The following GMDS variants were observed in gnomAD, a reference collection of about 807,000 sequenced individuals.
GMDS encodes the protein GDP-mannose 4,6-dehydratase.
Under a neutral mutation model 49.9 loss-of-function variants are expected in GMDS, and 20 were observed. That is an observed-to-expected ratio of 0.40 (90% confidence interval 0.28 to 0.58). The LOEUF is 0.58. Among genes scored for constraint, GMDS ranks in the 20% least tolerant of loss-of-function variants. The pLI, the probability that GMDS is intolerant of heterozygous loss-of-function variation, is 0.42. For synonymous variants in GMDS, 177 were observed against 178.6 expected (o/e 0.99, Z 0.07); for missense variants, 362 against 481.4 (o/e 0.75, Z 2.32).
intron 4 of GMDS, 103 bp from the exon 5 acceptor site, chr6:1,961,069 G>T: frequency 1.8e-6 from 1 of 564,824 alleles, no homozygotes; most frequent in East Asian, 2.8e-5. Context: ...TGAAATGTTG[G>T]TGAGAAAATA....
chr6:1,921,310 T>C (rs1007053904), intron 7 of GMDS, among the ~76,000 whole-genome samples: 3 of 152,244 alleles, frequency 2.0e-5, no homozygotes, highest in African/African-American at 7.2e-5. Context: ...GTTTCTAAAC[T>C]ATCTGTAAAT....
At chr6:1,752,179 A>G (rs966836729) in intron 7 of GMDS, among the ~76,000 whole-genome samples, 3 of 152,208 alleles carry the variant, frequency 2.0e-5, no homozygotes, top group Admixed American at 6.5e-5. Flanking sequence ...ACCAGCTTAG[A>G]GAAGAACATA....
rs151124824 is a variant in GMDS, at chr6:1,872,375, A to C, written c.771+57728T>G. 2.3e-3 allele frequency among the ~76,000 whole-genome samples: 358 copies of C among 152,368 alleles called. 3 individuals carry two copies. Among genetic ancestry groups the C allele is most frequent in the African/African-American group, 8.2e-3 (343 of 41,592 alleles). The stretch of plus-strand genomic sequence containing the variant: ...GCATGATGTCTGATGTATGTGCCCA[A>C]TAGCCAAGAAAAATGATAGTTATGC... On this transcript the variant is annotated intron_variant, in intron 7 of 10. Transcript: ENST00000380815.
intron 9 of GMDS, among the ~76,000 whole-genome samples, chr6:1,653,457 A>C (rs56347256): frequency 0.14 from 21,381 of 152,226 alleles, 1,879 homozygotes; most frequent in Non-Finnish European, 0.19. Context: ...TGAAATTTAC[A>C]TGGAATCTCA....
chr6:1,932,090 C>G (rs959321931), intron 6 of GMDS, among the ~76,000 whole-genome samples: 1 of 152,176 alleles, frequency 6.6e-6, no homozygotes, highest in Non-Finnish European at 1.5e-5. Context: ...AGAAATGGAG[C>G]TTGAATGGAG....
intron 6 of GMDS, 21 bp from the exon 7 acceptor site, chr6:1,930,251 T>C (rs1762226974): frequency 1.9e-6 from 3 of 1,608,810 alleles, no homozygotes; most frequent in Admixed American, 1.7e-5. Flanking sequence ...GCAAAAGATG[T>C]AGTATCAGTC....
At chr6:1,782,470 T>C (rs1769138912) in intron 7 of GMDS, among the ~76,000 whole-genome samples, 1 of 152,234 alleles carries the variant, frequency 6.6e-6, no homozygotes, top group South Asian at 2.1e-4. Context: ...ATCTTTCCAG[T>C]CCAAGCCTTA....
chr6:1,877,824 A>T (rs1759153812), intron 7 of GMDS, among the ~76,000 whole-genome samples: 2 of 152,072 alleles, frequency 1.3e-5, no homozygotes, highest in African/African-American at 4.8e-5. Context: ...ATTTTCTGAG[A>T]GATGCTTCAT....
At chr6:2,177,041 GC>G (rs1390600565) in intron 1 of GMDS, among the ~76,000 whole-genome samples, 1 of 152,174 alleles carries the variant, frequency 6.6e-6, no homozygotes, top group African/African-American at 2.4e-5. Flanking sequence ...AATAAATGGA[GC>G]TGGATCCAGT....
At chr6:2,002,080 T>C (rs1766852312) in intron 4 of GMDS, among the ~76,000 whole-genome samples, 2 of 152,230 alleles carry the variant, frequency 1.3e-5, no homozygotes, top group South Asian at 2.1e-4. Flanking sequence ...AATTGTTTAA[T>C]ATTCGTTTTT....
At chr6:2,222,588 C>T (rs146930883) in intron 1 of GMDS, among the ~76,000 whole-genome samples, 117 of 152,232 alleles carry the variant, frequency 7.7e-4, no homozygotes, top group African/African-American at 9.9e-4. Flanking sequence ...CTGTAATAGA[C>T]GCAATTACCA....
At chr6:1,844,418 A>G in intron 7 of GMDS, among the ~76,000 whole-genome samples, 1 of 152,238 alleles carries the variant, frequency 6.6e-6, no homozygotes, top group East Asian at 1.9e-4. Flanking sequence ...AACCTACCTC[A>G]AACAGTTTTT....
chr6:1,632,830 G>C (rs551052018), intron 9 of GMDS, among the ~76,000 whole-genome samples: 1 of 152,310 alleles, frequency 6.6e-6, no homozygotes, highest in South Asian at 2.1e-4. Flanking sequence ...AGTGAGCTAT[G>C]ATTACACCAC....
intron 6 of GMDS, among the ~76,000 whole-genome samples, chr6:1,935,903 T>C (rs1762504405): frequency 2.0e-5 from 3 of 152,186 alleles, no homozygotes; most frequent in African/African-American, 7.2e-5. Context: ...AATACAAAGC[T>C]GAGCCTCAAA....
intron 9 of GMDS, among the ~76,000 whole-genome samples, chr6:1,709,119 T>C (rs894780566): frequency 1.3e-5 from 2 of 152,072 alleles, no homozygotes; most frequent in East Asian, 1.9e-4. Context: ...TGACTGCTGG[T>C]TTATAGATTC....
intron 1 of GMDS, among the ~76,000 whole-genome samples, chr6:2,225,336 TAAAC>T (rs751896943): frequency 5.3e-5 from 8 of 151,926 alleles, no homozygotes; most frequent in African/African-American, 9.7e-5. Flanking sequence ...TCTCAATAAA[TAAAC>T]AAACAAACAA....
intron 9 of GMDS, among the ~76,000 whole-genome samples, chr6:1,726,043 A>C (rs868654544): frequency 1.3e-5 from 2 of 152,200 alleles, no homozygotes; most frequent in African/African-American, 4.8e-5. Context: ...ACATAGCTGG[A>C]GAGGACCTAG....
chr6:1,856,872 A>G (rs1757958934), intron 7 of GMDS, among the ~76,000 whole-genome samples: 1 of 152,118 alleles, frequency 6.6e-6, no homozygotes, highest in Non-Finnish European at 1.5e-5. Context: ...AGAGGCATCA[A>G]CTCTCATGTG....
At chr6:2,218,357 A>G (rs1780432168) in intron 1 of GMDS, among the ~76,000 whole-genome samples, 1 of 152,242 alleles carries the variant, frequency 6.6e-6, no homozygotes, top group Non-Finnish European at 1.5e-5. Flanking sequence ...CTCCACCTCA[A>G]GTCCACAGAA....
Sources: gnomAD v4.1 joint callset for allele counts (sites outside exome capture counted in the v4.1 genomes callset) on GRCh38, gnomAD v4.1.1 for gene constraint, MANE v1.5 for transcripts, NCBI Gene and HGNC (gene_info 2026-07-23, HGNC 2026-07-21) for gene names.